Variants in PUDP observed in about 807,000 individuals in gnomAD.
PUDP encodes pseudouridine 5'-phosphatase, also known as pseudouridine-5'-phosphatase.
A neutral mutation model predicts 9.4 loss-of-function variants in PUDP; 8 were observed. The observed-to-expected ratio is 0.85, with a 90% CI of 0.50 to 1.53. PUDP has a LOEUF of 1.53. PUDP is among the 40% of genes most tolerant of loss of function. The pLI is 0.00. For synonymous variants in PUDP, 99 were observed against 80.7 expected (o/e 1.23, Z -1.22); for missense variants, 188 against 189.7 (o/e 0.99, Z 0.05).
intron 3 of PUDP, among the ~76,000 whole-genome samples, chrX:6,850,286 AG>A (rs761315025): frequency 5.3e-4 from 59 of 112,377 alleles, no homozygotes; most frequent in African/African-American, 1.8e-3. Context: ...TCAGTTGTTC[AG>A]GAATTTAATA....
intron 3 of PUDP, among the ~76,000 whole-genome samples, chrX:6,837,483 T>C (rs995825623): frequency 2.7e-5 from 3 of 112,886 alleles, no homozygotes; most frequent in African/African-American, 9.6e-5. Flanking sequence ...CGTTAGCAAA[T>C]TGTGCTCATC....
chrX:6,847,882 G>C (rs1437664969), intron 3 of PUDP, among the ~76,000 whole-genome samples: 1 of 111,495 alleles, frequency 9.0e-6, no homozygotes, highest in East Asian at 2.8e-4. Flanking sequence ...GTAGTGATTG[G>C]GTCAAAGAAA....
intron 3 of PUDP, among the ~76,000 whole-genome samples, chrX:6,873,082 A>G (rs776539969): frequency 8.9e-6 from 1 of 111,830 alleles, no homozygotes; most frequent in African/African-American, 3.2e-5. Context: ...AAATCCCTCC[A>G]TGTGCCTCAG....
intron 3 of PUDP, among the ~76,000 whole-genome samples, chrX:6,907,432 G>A (rs1927785217): frequency 1.8e-5 from 2 of 111,595 alleles, no homozygotes; most frequent in Admixed American, 1.9e-4. Flanking sequence ...TTCATGAGCC[G>A]CTCTCCATGT....
intron 3 of PUDP, among the ~76,000 whole-genome samples, chrX:6,878,541 A>C (rs1927299281): frequency 1.8e-5 from 2 of 111,168 alleles, no homozygotes; most frequent in Non-Finnish European, 1.9e-5. Context: ...AATTTTTCAT[A>C]GAGACAAGAT....
chrX:7,057,762 A>G (rs760104836), intron 3 of PUDP: 13 of 1,152,106 alleles, frequency 1.1e-5, no homozygotes, highest in Non-Finnish European at 1.3e-5. Flanking sequence ...GAGCGCTGAG[A>G]AGGGATCCCG....
intron 3 of PUDP, among the ~76,000 whole-genome samples, chrX:6,791,041 G>C (rs921608182): frequency 1.8e-5 from 2 of 112,121 alleles, no homozygotes; most frequent in African/African-American, 6.5e-5. Flanking sequence ...AATAGATAAA[G>C]TTGTGGAGGA....
In PUDP at chrX:6,738,822, C is replaced by G. The variant is rs1000541293; in HGVS notation, c.*248-32356G>C. 2.6e-4 allele frequency among the ~76,000 whole-genome samples: 29 copies of G among 111,962 alleles called. No individual in the cohort carries two copies. The Admixed American group carries it at 2.7e-3, about 11-fold the overall frequency. ...AAGTTGAGAATGAGAAAACCTGCCT[C>G]AAACCCAGGGAATTTGATTACTGCA... On this transcript the variant is annotated intron_variant and NMD_transcript_variant, in intron 3 of 3. Transcript: ENST00000655425.
chrX:6,876,261 G>T (rs766396789), intron 3 of PUDP, among the ~76,000 whole-genome samples: 20 of 111,690 alleles, frequency 1.8e-4, no homozygotes, highest in South Asian at 1.1e-3. Context: ...GTAGGCTAAT[G>T]TGAGTGTTCT....
intron 1 of PUDP, among the ~76,000 whole-genome samples, chrX:7,121,163 G>C (rs1431452466): frequency 1.8e-5 from 2 of 111,802 alleles, no homozygotes; most frequent in Non-Finnish European, 3.8e-5. Flanking sequence ...AAACTTATTA[G>C]GTTGGGAAAA....
intron 3 of PUDP, among the ~76,000 whole-genome samples, chrX:6,795,180 C>T (rs1048666945): frequency 9.0e-6 from 1 of 111,047 alleles, no homozygotes; most frequent in Non-Finnish European, 1.9e-5. Context: ...GGATCTGCAT[C>T]GTATATGTGG....
At chrX:6,841,355 G>T (rs1217931098) in intron 3 of PUDP, among the ~76,000 whole-genome samples, 1 of 110,169 alleles carries the variant, frequency 9.1e-6, no homozygotes, top group African/African-American at 3.3e-5. Flanking sequence ...ACTTTGAGAG[G>T]GTGAGGCGGG....
intron 3 of PUDP, among the ~76,000 whole-genome samples, chrX:6,828,993 C>A (rs1425108201): frequency 1.8e-5 from 2 of 110,340 alleles, no homozygotes; most frequent in African/African-American, 6.6e-5. Context: ...CAAAATCGAA[C>A]CCCCAAGGGA....
chrX:6,754,148 C>T (rs970604706), intron 3 of PUDP, among the ~76,000 whole-genome samples: 2 of 111,718 alleles, frequency 1.8e-5, no homozygotes, highest in African/African-American at 6.5e-5. Flanking sequence ...CCATAATCCC[C>T]ACATGTCATA....
chrX:6,838,104 C>G (rs1926612273), intron 3 of PUDP, among the ~76,000 whole-genome samples: 1 of 112,161 alleles, frequency 8.9e-6, no homozygotes, highest in Non-Finnish European at 1.9e-5. Context: ...ATGGACATGA[C>G]CTGTTCTGTC....
Position 6,752,316 on chromosome X carries a change from G to C in PUDP, c.*248-45850C>G, listed in dbSNP as rs1394480724. ...CCAAAGGTTCTGAGTTAGACTCTTT[G>C]CACATACCTGGCCATTGCTGTATTT... On this transcript the variant is annotated intron_variant and NMD_transcript_variant, in intron 3 of 3. Transcript: ENST00000655425. Among the ~76,000 whole-genome samples, 5 of 111,257 alleles carry C rather than the reference G, an allele frequency of 4.5e-5. No individual in the cohort carries two copies. In the Admixed American group the frequency reaches 4.8e-4, roughly 11 times the overall value.
At chrX:6,998,529 G>GA (rs202015672) in intron 1 of PUDP, among the ~76,000 whole-genome samples, 22 of 105,422 alleles carry the variant, frequency 2.1e-4, no homozygotes, top group Non-Finnish European at 3.3e-4. Context: ...TTCTCCAGCC[G>GA]AAAAAAAAAA....
chrX:7,096,334 T>A (rs1168595810), intron 2 of PUDP, among the ~76,000 whole-genome samples: 1 of 111,668 alleles, frequency 9.0e-6, no homozygotes, highest in Non-Finnish European at 1.9e-5. Flanking sequence ...TGAGTGTAGG[T>A]GAGCATATCT....
intron 3 of PUDP, among the ~76,000 whole-genome samples, chrX:6,877,422 C>T (rs752223872): frequency 2.7e-5 from 3 of 111,821 alleles, no homozygotes; most frequent in Non-Finnish European, 3.8e-5. Flanking sequence ...CTTAGACTTA[C>T]GGGATCTGCA....
Sources: allele counts gnomAD v4.1 joint callset (sites outside exome capture counted in the v4.1 genomes callset), GRCh38; gene constraint gnomAD v4.1.1; transcripts MANE v1.5; gene names NCBI Gene and HGNC (gene_info 2026-07-23, HGNC 2026-07-21).